The following NISCH variants were observed in gnomAD, a reference collection of about 807,000 sequenced individuals.
NISCH encodes I-1 receptor candidate protein.
In NISCH, 55 loss-of-function variants were observed where a neutral mutation model predicts 138.4. That is an observed-to-expected ratio of 0.40 (90% CI 0.32 to 0.50). The LOEUF is 0.50. Among genes scored for constraint, NISCH ranks in the 20% least tolerant of loss-of-function variants. The pLI is 0.71. For missense variants in NISCH, 1,643 were observed against 2,005.5 expected, an observed-to-expected ratio of 0.82 and a Z score of 3.45; for synonymous variants, 860 against 861.5, an observed-to-expected ratio of 1.00 and a Z score of 0.03.
In NISCH at chr3:52,466,903, G is replaced by A. The variant is rs962957191; in HGVS notation, c.361-3956G>A. Among the ~76,000 whole-genome samples the A allele has an allele frequency of 4.6e-5, 7 of 152,264 alleles. No homozygotes were observed. The East Asian group carries it at 1.3e-3, about 29-fold the overall frequency. On this transcript the variant is annotated intron_variant, in intron 3 of 20. Transcript: ENST00000345716. ...ACACCAACACAGAATCCCGGCAGGTGGTGGGCAGGTGGTGCGGCTGATCTC... is the reference window on the plus strand; with the variant it reads ...ACACCAACACAGAATCCCGGCAGGTAGTGGGCAGGTGGTGCGGCTGATCTC...
chr3:52,484,462 T>TTGCCGCCCC, intron 13 of NISCH, 51 bp from the exon 14 acceptor site: 2 of 788,670 alleles, frequency 2.5e-6, no homozygotes, highest in Non-Finnish European at 3.7e-6. Flanking sequence ...ACAGCCGCTC[T>TTGCCGCCCC]CCCCGCCCCA....
At chr3:52,466,837 G>C (rs1326431580) in intron 3 of NISCH, among the ~76,000 whole-genome samples, 1 of 152,138 alleles carries the variant, frequency 6.6e-6, no homozygotes, top group Non-Finnish European at 1.5e-5. Context: ...CCACAGCCCA[G>C]CTAGTGTTTA....
Position 52,490,124 on chromosome 3 carries a change from A to G in NISCH, c.3506A>G (p.Tyr1169Cys). The change falls in exon 18 of 21, where the codon TAC (tyrosine) becomes TGC (cysteine). Residue 1169 changes from tyrosine (Y) to cysteine (C), a missense_variant. By Grantham distance (194) the Tyr-to-Cys change is radical (BLOSUM62 -2). Transcript: ENST00000345716. ...RHLMWSSVVFYQTPGLEVTAC... is the reference protein window; with the variant it reads ...RHLMWSSVVFCQTPGLEVTAC... ...CTCATGTGGTCCTCGGTGGTGTTCTACCAGACCCCAGGGCTGGAGGTGACT... is the reference window on the plus strand; with the variant it reads ...CTCATGTGGTCCTCGGTGGTGTTCTGCCAGACCCCAGGGCTGGAGGTGACT... The G allele has an allele frequency of 1.2e-6, 2 of 1,613,508 alleles. No homozygotes were observed. Among genetic ancestry groups the G allele is most frequent in the South Asian group, 1.1e-5 (1 of 91,066 alleles).
chr3:52,484,462 T>TTGGGGG, intron 13 of NISCH, 51 bp from the exon 14 acceptor site: 302 of 788,586 alleles, frequency 3.8e-4, no homozygotes, highest in Non-Finnish European at 4.9e-4. Flanking sequence ...ACAGCCGCTC[T>TTGGGGG]CCCCGCCCCA....
chr3:52,476,543 G>T lies in NISCH; in HGVS notation c.862G>T (p.Ala288Ser). ...GACTGCCGTCATCCCCACTTGGCAG[G>T]CATTGACCACGCTTGACCTGAGCCA... Reference protein sequence around the residue: ...PVTAVIPTWQALTTLDLSHNS... With the variant: ...PVTAVIPTWQSLTTLDLSHNS... Residue 288 changes from alanine to serine, a missense_variant, in exon 8 of 21, where the codon GCA becomes TCA. Ala to Ser is a moderately conservative substitution (Grantham distance 99). Transcript: ENST00000345716. 6.2e-7 allele frequency: 1 copy of T among 1,614,130 alleles called. No homozygotes were observed.
intron 12 of NISCH, 75 bp downstream of exon 12, chr3:52,479,937 C>A: frequency 8.1e-7 from 1 of 1,229,940 alleles, no homozygotes; most frequent in Non-Finnish European, 1.2e-6. Context: ...GGGGCTTGGG[C>A]CATGGGACTG....
intron 3 of NISCH, among the ~76,000 whole-genome samples, chr3:52,459,669 A>G: frequency 6.6e-6 from 1 of 151,952 alleles, no homozygotes; most frequent in Middle Eastern, 3.4e-3. Flanking sequence ...CCTGACCTCA[A>G]GTGATCTGCC....
In NISCH at chr3:52,492,704, A is replaced by G. The variant is rs1281576274; in HGVS notation, c.*222A>G. 4.9e-6 allele frequency: 3 copies of G among 612,692 alleles called. No homozygotes were observed. The highest frequency in any genetic ancestry group is 5.6e-5 in the East Asian group (2 of 35,732). 38.0% of individuals were successfully genotyped at this position (612,692 alleles called of 1,614,324 possible). ...TGTCGGTGTGCTGTCAGCCTCCCACAGGTGGTACAGCCGTGCACACCAGTG... is the reference window on the plus strand; with the variant it reads ...TGTCGGTGTGCTGTCAGCCTCCCACGGGTGGTACAGCCGTGCACACCAGTG... On this transcript the variant is annotated 3_prime_UTR_variant, in exon 21 of 21. Transcript: ENST00000345716.
intron 14 of NISCH, among the ~76,000 whole-genome samples, chr3:52,484,917 G>C (rs1484652676): frequency 1.3e-5 from 2 of 152,038 alleles, no homozygotes; most frequent in Admixed American, 6.5e-5. Context: ...TGGGCCCAGG[G>C]CACGAGGGGG....
At chr3:52,465,307 T>C (rs1706750891) in intron 3 of NISCH, among the ~76,000 whole-genome samples, 2 of 151,940 alleles carry the variant, frequency 1.3e-5, no homozygotes, top group African/African-American at 4.8e-5. Flanking sequence ...TTTTTGTACT[T>C]TTTGTGGAGA....
intron 3 of NISCH, among the ~76,000 whole-genome samples, chr3:52,468,036 G>T (rs1706836618): frequency 6.6e-6 from 1 of 152,196 alleles, no homozygotes; most frequent in Non-Finnish European, 1.5e-5. Flanking sequence ...AAGGTAGGCG[G>T]ATCACTTGAG....
chr3:52,483,163 C>G (rs1312173627), intron 13 of NISCH, among the ~76,000 whole-genome samples: 1 of 152,204 alleles, frequency 6.6e-6, no homozygotes, highest in Non-Finnish European at 1.5e-5. Context: ...ATCCTTCCTG[C>G]CTGCCTACCC....
At chr3:52,480,098 C>G in intron 12 of NISCH, 86 bp from the exon 13 acceptor site, 1 of 1,462,708 alleles carries the variant, frequency 6.8e-7, no homozygotes, top group Non-Finnish European at 9.5e-7. Context: ...TGGTGGGAAC[C>G]GTTGCGCTCC....
At position 52,488,528 on chromosome 3, in the gene NISCH, C is replaced by T; in HGVS notation, c.3036C>T (p.Val1012=). 6.2e-7 allele frequency: 1 copy of T among 1,613,172 alleles called. No individual in the cohort carries two copies. The highest frequency in any genetic ancestry group is 1.6e-4 in the Middle Eastern group (1 of 6,062). Residue 1012 remains valine, a synonymous_variant, in exon 16 of 21, where the codon GTC becomes GTT. Transcript: ENST00000345716. Reference sequence around the variant, plus strand: ...CGCTGCAGGACCTGAAGACTGTGGTCATCGCCAAGACCCCCGGGACGGGAG... The same window carrying T: ...CGCTGCAGGACCTGAAGACTGTGGTTATCGCCAAGACCCCCGGGACGGGAG... The part of the protein sequence containing the change: ...RASLQDLKTV[V]IAKTPGTGGS...
At chr3:52,457,131 G>A (rs113891228) in intron 1 of NISCH, among the ~76,000 whole-genome samples, 3,433 of 152,268 alleles carry the variant, frequency 0.023, 56 homozygotes, top group Middle Eastern at 0.061. Context: ...TAAGATGGAG[G>A]AACTAAGGCT....
chr3:52,473,214 A>G (rs1406285705), intron 6 of NISCH, among the ~76,000 whole-genome samples: 2 of 152,210 alleles, frequency 1.3e-5, no homozygotes, highest in Non-Finnish European at 2.9e-5. Flanking sequence ...AGGACAGGGA[A>G]GTGAAGGGGA....
Position 52,489,452 on chromosome 3 carries a change from C to T in NISCH, c.3230C>T (p.Pro1077Leu), listed in dbSNP as rs748795716. 4 of 1,601,746 alleles carry T rather than the reference C, an allele frequency of 2.5e-6. No individual in the cohort carries two copies. Among genetic ancestry groups the T allele is most frequent in the Non-Finnish European group, 2.6e-6 (3 of 1,169,642 alleles). The change falls in exon 17 of 21, where the codon CCA becomes CTA. Residue 1077 changes from proline (P) to leucine (L), a missense_variant. Coordinates refer to ENST00000345716, the MANE Select transcript of NISCH (RefSeq NM_007184.4). ...TCAGGCCCAGCGAAGACTCCGGCCC[C>T]AGCAGAGGCCTCAACTTCAGCTTTG... The part of the protein sequence containing the change: ...SASGPAKTPA[P>L]AEASTSALVP...
At position 52,492,113 on chromosome 3, in the gene NISCH, C is replaced by T. The variant is rs200860167; in HGVS notation, c.4146C>T (p.Leu1382=). ...TLLLTSSEIF[L]LDEDCVHYPL... is the part of the protein sequence containing the mutation. ...TGCTCACCAGCTCCGAGATCTTCCT[C>T]CTGGATGAGGACTGTGTCCACTACC... The change falls in exon 21 of 21, where the codon CTC becomes CTT. Residue 1382 remains leucine (L), a synonymous_variant. Transcript: ENST00000345716. 765 of 1,613,012 alleles carry T rather than the reference C, an allele frequency of 4.7e-4. 7 individuals are homozygous for T. Among genetic ancestry groups the T allele is most frequent in the Admixed American group, 2.2e-4 (13 of 60,014 alleles).
At chr3:52,470,813 T>C (rs1706922674) in intron 3 of NISCH, 46 bp from the exon 4 acceptor site, 1 of 1,562,060 alleles carries the variant, frequency 6.4e-7, no homozygotes, top group Non-Finnish European at 8.8e-7. Flanking sequence ...CCCCAGGGAC[T>C]GGGGTCAGGT....
Sources: gnomAD v4.1 joint callset for allele counts (sites outside exome capture counted in the v4.1 genomes callset) on GRCh38, gnomAD v4.1.1 for gene constraint, MANE v1.5 for transcripts, NCBI Gene and HGNC (gene_info 2026-07-23, HGNC 2026-07-21) for gene names.